Variants in GAS2L3 observed in about 807,000 individuals in gnomAD.
GAS2L3 encodes GAS2-like protein 3.
Under a neutral mutation model 37.0 loss-of-function variants are expected in GAS2L3, and 28 were observed. The observed-to-expected ratio is 0.76, with a 90% CI of 0.56 to 1.04. The LOEUF is 1.04. GAS2L3 is among the 50% of genes least tolerant of loss of function. The probability of loss-of-function intolerance (pLI) is 0.00; values close to 1 mark genes in which losing one functional copy is unlikely to be tolerated. For synonymous variants in GAS2L3, 290 were observed against 296.6 expected, an observed-to-expected ratio of 0.98 and a Z score of 0.23; for missense variants, 793 against 817.6, an observed-to-expected ratio of 0.97 and a Z score of 0.37.
In GAS2L3 at chr12:100,624,329, TG is replaced by T; in HGVS notation, c.1525del (p.Val509Ter). The T allele has an allele frequency of 6.2e-7, 1 of 1,614,052 alleles. No homozygotes were observed. The highest frequency in any genetic ancestry group is 8.5e-7 in the Non-Finnish European group (1 of 1,179,998). On this transcript the variant is annotated frameshift_variant, in exon 10 of 10. Coordinates refer to ENST00000547754, the MANE Select transcript of GAS2L3 (RefSeq NM_174942.3). LOFTEE classifies it low-confidence loss of function (END_TRUNC). ...CCAAGCTGCCTAAAGCAAATATACC[TG>T]TAAGACCTAAACCTTCTTTCCAGTC... ...CPKLPKANIP[V>X]RPKPSFQSSA...
At chr12:100,589,926 G>C (rs1198128305) in intron 1 of GAS2L3, among the ~76,000 whole-genome samples, 2 of 152,184 alleles carry the variant, frequency 1.3e-5, no homozygotes, top group Non-Finnish European at 2.9e-5. Context: ...ATGGATTAAG[G>C]ATTTAAACCT....
At chr12:100,579,819 G>C (rs1955687139) in intron 1 of GAS2L3, 2 of 727,858 alleles carry the variant, frequency 2.7e-6, no homozygotes, top group African/African-American at 1.8e-5. Context: ...TGAGGGATTG[G>C]AAAAAGCTAT....
chr12:100,574,574 G>C (rs1292569360), intron 1 of GAS2L3, among the ~76,000 whole-genome samples: 1 of 152,152 alleles, frequency 6.6e-6, no homozygotes, highest in African/African-American at 2.4e-5. Flanking sequence ...TCACACCGAG[G>C]GATTGAATGT....
intron 1 of GAS2L3, among the ~76,000 whole-genome samples, chr12:100,580,837 A>G (rs1285374539): frequency 2.0e-5 from 3 of 152,110 alleles, no homozygotes; most frequent in Admixed American, 2.0e-4. Flanking sequence ...AAATGCATTA[A>G]CTCTTTATCA....
At chr12:100,594,835 C>T (rs1040521415) in intron 2 of GAS2L3, 40 bp from the exon 3 acceptor site, 5 of 690,610 alleles carry the variant, frequency 7.2e-6, no homozygotes, top group East Asian at 3.3e-5. Context: ...AGCAAAACTG[C>T]CACTGTTAAC....
chr12:100,616,639 G>A (rs1013516787), intron 6 of GAS2L3, among the ~76,000 whole-genome samples: 1 of 152,058 alleles, frequency 6.6e-6, no homozygotes, highest in Middle Eastern at 3.4e-3. Flanking sequence ...TGTAGAAACA[G>A]GGTCTCACTT....
At chr12:100,613,619 G>C (rs981039133) in intron 6 of GAS2L3, among the ~76,000 whole-genome samples, 37 of 150,476 alleles carry the variant, frequency 2.5e-4, no homozygotes, top group African/African-American at 7.3e-4. Context: ...TTTTGAGATG[G>C]AGTCTCGCTA....
At chr12:100,592,613 T>C (rs1360923790) in intron 2 of GAS2L3, among the ~76,000 whole-genome samples, 1 of 152,168 alleles carries the variant, frequency 6.6e-6, no homozygotes, top group African/African-American at 2.4e-5. Flanking sequence ...TGGGTTGGGC[T>C]CAAATTCTGG....
At chr12:100,579,594 C>A (rs1244051794) in intron 1 of GAS2L3, 1 of 773,440 alleles carries the variant, frequency 1.3e-6, no homozygotes, top group Non-Finnish European at 2.4e-6. Context: ...TGACAGGGTG[C>A]ATCTTTTGGG....
chr12:100,602,511 G>C (rs115930645), intron 5 of GAS2L3, among the ~76,000 whole-genome samples: 177 of 151,678 alleles, frequency 1.2e-3, no homozygotes, highest in African/African-American at 4.2e-3. Context: ...AAAATATTTT[G>C]TGGGTACATA....
At chr12:100,600,921 G>A (rs563387070) in intron 4 of GAS2L3, among the ~76,000 whole-genome samples, 36 of 152,102 alleles carry the variant, frequency 2.4e-4, no homozygotes, top group Non-Finnish European at 4.4e-4. Context: ...AACTTTGAGT[G>A]AAACATATAC....
Position 100,625,134 on chromosome 12 carries a change from T to G in GAS2L3, c.*244T>G, listed in dbSNP as rs1956319622. The G allele has an allele frequency of 2.9e-6, 1 of 346,794 alleles. No homozygotes were observed. The highest frequency in any genetic ancestry group is 2.1e-5 in the African/African-American group (1 of 48,330). The allele number at this position is 346,794 out of a possible 1,614,324, so 21.5% of individuals were successfully genotyped here. A position where few individuals can be genotyped will look rare whatever the true frequency, so the allele number is the denominator to read the frequency against. ...TTATTAATAATAGACATGTATATGA[T>G]TTTCAGTCTATAGCATCTTTGTTAA... is the stretch of plus-strand genomic sequence containing the variant. On this transcript the variant is annotated 3_prime_UTR_variant, in exon 10 of 10. Transcript: ENST00000547754.
chr12:100,591,085 TA>T (rs1486453467), intron 1 of GAS2L3, among the ~76,000 whole-genome samples: 2 of 151,900 alleles, frequency 1.3e-5, no homozygotes, highest in South Asian at 2.1e-4. Context: ...TATAGAAAAA[TA>T]AAAAATAAAA....
At chr12:100,623,433 G>A (rs1956284051) in intron 9 of GAS2L3, 129 bp from the exon 10 acceptor site, 2 of 675,854 alleles carry the variant, frequency 3.0e-6, no homozygotes, top group Non-Finnish European at 4.8e-6. Flanking sequence ...CTGTCAATTT[G>A]TAGTGAGGCT....
At chr12:100,584,357 C>G (rs1207730943) in intron 1 of GAS2L3, among the ~76,000 whole-genome samples, 2 of 152,208 alleles carry the variant, frequency 1.3e-5, no homozygotes, top group Non-Finnish European at 2.9e-5. Flanking sequence ...TGTTTCTTCT[C>G]TGTCTCCTTT....
At chr12:100,613,072 C>G (rs1210166685) in intron 6 of GAS2L3, among the ~76,000 whole-genome samples, 1 of 152,150 alleles carries the variant, frequency 6.6e-6, no homozygotes, top group Non-Finnish European at 1.5e-5. Flanking sequence ...TGCTTTAGAT[C>G]CAGATGGGCT....
At chr12:100,573,925 C>G (rs1421124814) in intron 1 of GAS2L3, 140 bp downstream of exon 1, 1 of 152,370 alleles carries the variant, frequency 6.6e-6, no homozygotes, top group Admixed American at 6.5e-5. Flanking sequence ...GGTCTCCCGG[C>G]TGCGGGAGCC....
At position 100,623,790 on chromosome 12, in the gene GAS2L3, C is replaced by T. The variant is rs766327208; in HGVS notation, c.985C>T (p.Gln329Ter). The T allele has an allele frequency of 1.2e-6, 2 of 1,613,900 alleles. No individual in the cohort carries two copies. The highest frequency in any genetic ancestry group is 1.7e-5 in the Admixed American group (1 of 59,968). The change falls in exon 10 of 10, where the codon CAA becomes TAA. Residue 329 changes from glutamine to a stop codon, truncating the protein, a stop_gained. Transcript: ENST00000547754. LOFTEE classifies it low-confidence loss of function (END_TRUNC). ...PLSAVNMFQKQNSKPSVPVSI... is the reference protein window; with the variant it reads ...PLSAVNMFQK ...GTCAGCAGTTAACATGTTTCAGAAACAAAATTCAAAACCCAGCGTGCCAGT... is the reference window on the plus strand; with the variant it reads ...GTCAGCAGTTAACATGTTTCAGAAATAAAATTCAAAACCCAGCGTGCCAGT...
intron 5 of GAS2L3, 34 bp downstream of exon 5, chr12:100,601,787 C>A: frequency 9.1e-7 from 1 of 1,094,484 alleles, no homozygotes; most frequent in Non-Finnish European, 1.4e-6. Context: ...GATTTTATGT[C>A]TTGGTACATA....
Sources: allele counts gnomAD v4.1 joint callset (sites outside exome capture counted in the v4.1 genomes callset), GRCh38; gene constraint gnomAD v4.1.1; transcripts MANE v1.5; gene names NCBI Gene and HGNC (gene_info 2026-07-23, HGNC 2026-07-21).